The following DOCK1 variants were observed in gnomAD, a reference collection of about 807,000 sequenced individuals.
DOCK1 encodes dedicator of cytokinesis protein 1.
A neutral mutation model predicts 262.7 loss-of-function variants in DOCK1; 138 were observed. That is an observed-to-expected ratio of 0.53 (90% CI 0.46 to 0.61). The LOEUF (loss-of-function observed/expected upper bound fraction) is 0.61, where lower values mean the gene tolerates loss of function less well. DOCK1 is among the 20% of genes least tolerant of loss of function. The probability of loss-of-function intolerance (pLI) is 0.00; values close to 1 mark genes in which losing one functional copy is unlikely to be tolerated. For missense variants in DOCK1, 1,908 were observed against 2,370.7 expected (o/e 0.80, Z 4.05); for synonymous variants, 866 against 867.4 (o/e 1.00, Z 0.03).
chr10:127,026,136 A>T, intron 15 of DOCK1: 1 of 543,866 alleles, frequency 1.8e-6, no homozygotes, highest in Non-Finnish European at 3.2e-6. Flanking sequence ...CAGCTGTGTC[A>T]CGGAGTCAGT....
intron 10 of DOCK1, chr10:127,001,121 C>G (rs1465936124): frequency 6.6e-6 from 1 of 152,110 alleles, no homozygotes; most frequent in Non-Finnish European, 1.5e-5. Context: ...ATTTCATTAC[C>G]TAGCACTGTG....
chr10:127,055,189 C>G (rs1257810891), intron 22 of DOCK1, among the ~76,000 whole-genome samples: 1 of 151,802 alleles, frequency 6.6e-6, no homozygotes, highest in African/African-American at 2.4e-5. Context: ...ACATAATGTG[C>G]AGCCCGGAGG....
intron 27 of DOCK1, among the ~76,000 whole-genome samples, chr10:127,164,247 G>A (rs1261459732): frequency 3.0e-5 from 4 of 131,474 alleles, no homozygotes; most frequent in Admixed American, 8.6e-5. Context: ...GCAGAGGTGC[G>A]ATCTGGGCTC....
chr10:127,334,289 G>A (rs2063105962), intron 29 of DOCK1, among the ~76,000 whole-genome samples: 1 of 152,194 alleles, frequency 6.6e-6, no homozygotes, highest in South Asian at 2.1e-4. Context: ...TTGTACAAAT[G>A]TGTGTATGTG....
Position 127,415,172 on chromosome 10 carries a change from C to T in DOCK1, c.4449C>T (p.Thr1483=). 3 of 1,613,312 alleles carry T rather than the reference C, an allele frequency of 1.9e-6. No homozygotes were observed. Among genetic ancestry groups the T allele is most frequent in the Non-Finnish European group, 2.5e-6 (3 of 1,179,784 alleles). ...TGCAGAATATGTGGATCGAGAGAAC[C>T]ATATATACAACTGCATATAAATTAC... is the stretch of plus-strand genomic sequence containing the variant. ...NEFANMWIER[T]IYTTAYKLPG... Residue 1483 remains threonine (T), a synonymous_variant, in exon 44 of 52, where the codon ACC becomes ACT. Coordinates refer to ENST00000623213, the MANE Select transcript of DOCK1 (RefSeq NM_001290223.2).
chr10:127,303,296 A>G (rs949929186), intron 29 of DOCK1, among the ~76,000 whole-genome samples: 4 of 152,158 alleles, frequency 2.6e-5, no homozygotes, highest in Admixed American at 2.0e-4. Context: ...AAACAGGCCA[A>G]TGACTTAGAC....
intron 27 of DOCK1, among the ~76,000 whole-genome samples, chr10:127,215,163 G>A (rs780796404): frequency 6.6e-6 from 1 of 152,034 alleles, no homozygotes; most frequent in Admixed American, 6.6e-5. Flanking sequence ...CCCCAGCCAC[G>A]TTCCACACCC....
At chr10:127,214,453 G>C (rs2058116731) in intron 27 of DOCK1, among the ~76,000 whole-genome samples, 1 of 152,166 alleles carries the variant, frequency 6.6e-6, no homozygotes, top group East Asian at 1.9e-4. Flanking sequence ...ATTTTTCCAT[G>C]ACATGCTTTT....
chr10:127,144,964 A>T (rs1259516845), intron 27 of DOCK1, among the ~76,000 whole-genome samples: 1 of 139,900 alleles, frequency 7.1e-6, no homozygotes, highest in South Asian at 2.1e-4. Flanking sequence ...TTAAAAAAGC[A>T]TTAGCCAGAT....
In DOCK1 at chr10:126,975,282, C is replaced by T. The variant is rs2038435794; in HGVS notation, c.131-2666C>T. 2.0e-5 allele frequency among the ~76,000 whole-genome samples: 3 copies of T among 152,274 alleles called. No individual in the cohort carries two copies. The South Asian group carries it at 6.2e-4, about 32-fold the overall frequency. ...TTAGGTTGTCCCCGCTTCCCACCAC[C>T]CAAGATCAAGCTGCCCTGAGCATCC... is the stretch of plus-strand genomic sequence containing the variant. On this transcript the variant is annotated intron_variant, in intron 2 of 51. Coordinates refer to ENST00000623213, the MANE Select transcript of DOCK1 (RefSeq NM_001290223.2).
Position 127,176,348 on chromosome 10 carries a change from A to C in DOCK1, c.2847+48584A>C. 1 of 1,612,228 alleles carries C rather than the reference A, an allele frequency of 6.2e-7. No individual in the cohort carries two copies. Among genetic ancestry groups the C allele is most frequent in the African/African-American group, 1.3e-5 (1 of 74,426 alleles). ...CCAGGCAGGCGGCGGGTTCCACTTC[A>C]CTCTCCGACGTTGTGAGTATGCATT... is the stretch of plus-strand genomic sequence containing the variant. On this transcript the variant is annotated intron_variant, in intron 27 of 51. Coordinates refer to ENST00000623213, the MANE Select transcript of DOCK1 (RefSeq NM_001290223.2). This position sits in a 1 kb window ranked among gnomAD's most constrained non-coding sequence, Gnocchi z 4.4.
intron 27 of DOCK1, among the ~76,000 whole-genome samples, chr10:127,230,508 T>G (rs2058801461): frequency 6.6e-6 from 1 of 152,150 alleles, no homozygotes. Flanking sequence ...TCCAGCATCA[T>G]TATTGAAGAT....
At chr10:127,265,471 C>G (rs2060321229) in intron 29 of DOCK1, among the ~76,000 whole-genome samples, 1 of 152,096 alleles carries the variant, frequency 6.6e-6, no homozygotes, top group African/African-American at 2.4e-5. Flanking sequence ...GGATTTTGAT[C>G]TCTTGACCTC....
intron 31 of DOCK1, among the ~76,000 whole-genome samples, chr10:127,352,980 G>T (rs2063957749): frequency 6.6e-6 from 1 of 152,130 alleles, no homozygotes; most frequent in South Asian, 2.1e-4. Flanking sequence ...AGCTTGAGTG[G>T]GTCAGTACAT....
rs1050988947 is a variant in DOCK1, at chr10:126,952,090, C to T, written c.47-18612C>T. On this transcript the variant is annotated intron_variant, in intron 1 of 51. Coordinates refer to ENST00000623213, the MANE Select transcript of DOCK1 (RefSeq NM_001290223.2). ...GTATCAATTTCTTGACCTTGTGATC[C>T]GCCCACCTCGGCCTCCCAGAGGGGT... is the stretch of plus-strand genomic sequence containing the variant. Among the ~76,000 whole-genome samples, 80 of 152,048 alleles carry T rather than the reference C, an allele frequency of 5.3e-4. 1 individual carries two copies. The highest frequency in any genetic ancestry group is 3.4e-3 in the Middle Eastern group (1 of 294).
At chr10:127,350,275 A>AT (rs1554953640) in intron 31 of DOCK1, among the ~76,000 whole-genome samples, 1 of 148,980 alleles carries the variant, frequency 6.7e-6, no homozygotes. Context: ...TTTAAAAAAA[A>AT]CCTGCCTCCT....
intron 29 of DOCK1, among the ~76,000 whole-genome samples, chr10:127,261,658 T>G (rs1430908561): frequency 1.6e-5 from 2 of 128,198 alleles, no homozygotes; most frequent in East Asian, 2.6e-4. Flanking sequence ...TGTGTGCATG[T>G]GGGTGTGTGT....
intron 16 of DOCK1, among the ~76,000 whole-genome samples, chr10:127,028,925 C>T (rs1564745273): frequency 6.6e-6 from 1 of 152,158 alleles, no homozygotes; most frequent in Non-Finnish European, 1.5e-5. Context: ...CCTTGAGGCC[C>T]ACGGAGGAAG....
At chr10:126,996,378 CAAAAAAAAAA>C (rs55841173) in intron 6 of DOCK1, among the ~76,000 whole-genome samples, 3 of 95,568 alleles carry the variant, frequency 3.1e-5, no homozygotes, top group South Asian at 3.8e-4. Context: ...GAGACTGTCT[CAAAAAAAAAA>C]AAAAAAAAAA....
Sources: allele counts gnomAD v4.1 joint callset (sites outside exome capture counted in the v4.1 genomes callset), GRCh38; gene constraint gnomAD v4.1.1; non-coding constraint Gnocchi (gnomAD v3.1); transcripts MANE v1.5; gene names NCBI Gene and HGNC (gene_info 2026-07-23, HGNC 2026-07-21).